Variants in RRM2 observed in about 807,000 individuals in gnomAD.
RRM2 encodes the protein ribonucleoside-diphosphate reductase subunit M2.
A neutral mutation model predicts 45.9 loss-of-function variants in RRM2; 6 were observed. The observed-to-expected ratio is 0.13, with a 90% CI of 0.07 to 0.26. The LOEUF is 0.26. RRM2 is among the 10% of genes least tolerant of loss of function. The pLI, the probability that RRM2 is intolerant of heterozygous loss-of-function variation, is 1.00. For synonymous variants in RRM2, 177 were observed against 173.0 expected (o/e 1.02, Z -0.18); for missense variants, 343 against 489.5 (o/e 0.70, Z 2.82).
rs186911562 is a variant in RRM2, at chr2:10,163,685, C to T, written n.482+21310C>T. Among the ~76,000 whole-genome samples, 447 of 152,350 alleles carry T rather than the reference C, an allele frequency of 2.9e-3. 3 individuals carry two copies. The highest frequency in any genetic ancestry group is 0.01 in the African/African-American group (423 of 41,576). ...GAAGTCTGCAGCCAGGCGCGAGCCTCGGTTCCCCGGCTGCCCAGTGGCCGC... is the reference window on the plus strand; with the variant it reads ...GAAGTCTGCAGCCAGGCGCGAGCCTTGGTTCCCCGGCTGCCCAGTGGCCGC... On this transcript the variant is annotated intron_variant and non_coding_transcript_variant, in intron 3 of 3. Coordinates refer to the RRM2 transcript ENST00000381786.
At chr2:10,123,652 TACTTAAA>T (rs1253062876) in intron 3 of RRM2, 77 bp from the exon 4 acceptor site, 1 of 1,419,694 alleles carries the variant, frequency 7.0e-7, no homozygotes, top group Non-Finnish European at 9.8e-7. Flanking sequence ...GGTGCCAGCA[TACTTAAA>T]GTTTGAGTGC....
intron 3 of RRM2, among the ~76,000 whole-genome samples, chr2:10,163,053 G>A (rs1265334576): frequency 6.6e-6 from 1 of 152,238 alleles, no homozygotes; most frequent in Non-Finnish European, 1.5e-5. Flanking sequence ...AGGTAATTAT[G>A]TGTGTGCTTT....
At chr2:10,124,096 C>T in intron 4 of RRM2, 2 of 445,816 alleles carry the variant, frequency 4.5e-6, no homozygotes, top group Middle Eastern at 5.4e-4. Flanking sequence ...GTGGCCACCA[C>T]ATCTGCCCCC....
chr2:10,179,948 C>T (rs1238142700), intron 3 of RRM2, among the ~76,000 whole-genome samples: 2 of 152,278 alleles, frequency 1.3e-5, no homozygotes, highest in Non-Finnish European at 2.9e-5. Flanking sequence ...CTGTCTAATC[C>T]AGCTCTAGAG....
chr2:10,148,295 C>T (rs1194111543), intron 3 of RRM2, among the ~76,000 whole-genome samples: 2 of 151,684 alleles, frequency 1.3e-5, no homozygotes, highest in East Asian at 3.9e-4. Context: ...CATTGCCCTA[C>T]AGGTAGATTC....
chr2:10,139,321 A>G (rs1425163365), upstream of RRM2, among the ~76,000 whole-genome samples: 1 of 152,238 alleles, frequency 6.6e-6, no homozygotes, highest in Non-Finnish European at 1.5e-5. Context: ...TGGCAAAGGC[A>G]CTGGCTCATA....
intron 3 of RRM2, among the ~76,000 whole-genome samples, chr2:10,166,148 A>G (rs915592064): frequency 4.6e-5 from 7 of 152,216 alleles, no homozygotes; most frequent in African/African-American, 7.2e-5. Context: ...TGCCTTTCCA[A>G]TAAAGCCTTG....
At chr2:10,141,869 G>T (rs767005253) in exon 2 of RRM2, 1 of 1,563,800 alleles carries the variant, frequency 6.4e-7, no homozygotes, top group South Asian at 1.2e-5. Context: ...GGGAGACCGT[G>T]AAGTGCAAAG....
intron 3 of RRM2, among the ~76,000 whole-genome samples, chr2:10,158,789 G>T (rs566800035): frequency 1.0e-3 from 156 of 152,258 alleles, no homozygotes; most frequent in Non-Finnish European, 1.7e-3. Flanking sequence ...AGGCCTGGCT[G>T]CCCCAGCTGG....
rs558946103 is a variant in RRM2, at chr2:10,130,927, T to C, written c.*1541T>C. 6.6e-6 allele frequency: 1 copy of C among 152,222 alleles called. No homozygotes were observed. Among genetic ancestry groups the C allele is most frequent in the South Asian group, 2.1e-4 (1 of 4,816 alleles). 9.4% of individuals were successfully genotyped at this position (152,222 alleles called of 1,614,324 possible). The stretch of plus-strand genomic sequence containing the variant: ...TTGCAGGCGTGATAAACAAATATTC[T>C]TAATAGGGCTACTTTGAATTAATCT... On this transcript the variant is annotated 3_prime_UTR_variant, in exon 10 of 10. Coordinates refer to ENST00000304567, the MANE Select transcript of RRM2 (RefSeq NM_001034.4).
Position 10,200,516 on chromosome 2 carries a change from C to T in RRM2, n.483-9795C>T, listed in dbSNP as rs1664535974. ...CCGCGCACACAAAATATGAGGCCCA[C>T]AGGGACTGCGCGCACAAATTATGAG... On this transcript the variant is annotated intron_variant and non_coding_transcript_variant, in intron 3 of 3. Transcript: ENST00000381786. 1.4e-4 allele frequency among the ~76,000 whole-genome samples: 2 copies of T among 14,720 alleles called. 1 individual carries two copies. Among genetic ancestry groups the T allele is most frequent in the Non-Finnish European group, 2.5e-4 (2 of 7,866 alleles). 9.7% of individuals were successfully genotyped at this position (14,720 alleles called of 152,430 possible).
chr2:10,190,686 ATGGTGATGG>A (rs1664283457), intron 3 of RRM2, among the ~76,000 whole-genome samples: 1 of 142,720 alleles, frequency 7.0e-6, no homozygotes, highest in Non-Finnish European at 1.5e-5. Context: ...GGTGGTGATG[ATGGTGATGG>A]CAGAGATGGT....
At chr2:10,182,759 C>T (rs1418361810) in intron 3 of RRM2, among the ~76,000 whole-genome samples, 3 of 152,228 alleles carry the variant, frequency 2.0e-5, no homozygotes, top group Non-Finnish European at 4.4e-5. Context: ...TCCTCTCCCT[C>T]CCAGGTCATC....
intron 3 of RRM2, among the ~76,000 whole-genome samples, chr2:10,208,515 G>T (rs912648515): frequency 8.5e-5 from 13 of 152,266 alleles, no homozygotes; most frequent in African/African-American, 2.9e-4. Context: ...TCTTGACAAG[G>T]ATCTCACCGA....
chr2:10,142,202 G>A lies in RRM2; in HGVS notation n.362-53G>A, dbSNP rs1467767923. On this transcript the variant is annotated intron_variant and non_coding_transcript_variant, in intron 2 of 3. Coordinates refer to the RRM2 transcript ENST00000381786. ...ATGGGGCTGGGTCAGTGGAGTGGGT[G>A]TGTACATGCAGGTCTGCAGACCCAG... is the stretch of plus-strand genomic sequence containing the variant. 7 of 1,563,452 alleles carry A rather than the reference G, an allele frequency of 4.5e-6. No homozygotes were observed. In the East Asian group the frequency reaches 1.7e-4, roughly 38 times the overall value.
At chr2:10,135,272 G>A (rs760615611), downstream of RRM2, among the ~76,000 whole-genome samples, 7 of 152,202 alleles carry the variant, frequency 4.6e-5, no homozygotes, top group Non-Finnish European at 1.0e-4. Flanking sequence ...CGAGGCTGAG[G>A]TGGGAGGATC....
chr2:10,157,023 T>TTTC, intron 3 of RRM2, among the ~76,000 whole-genome samples: 1 of 136,230 alleles, frequency 7.3e-6, no homozygotes, highest in African/African-American at 2.7e-5. Context: ...TTTCTTTTTT[T>TTTC]TTTTTTTTTT....
chr2:10,159,738 C>G (rs1663516509), intron 3 of RRM2, among the ~76,000 whole-genome samples: 1 of 152,194 alleles, frequency 6.6e-6, no homozygotes, highest in Admixed American at 6.5e-5. Flanking sequence ...GAGACTGGAG[C>G]TTTTCCCCAA....
chr2:10,164,515 A>G (rs1471583886), intron 3 of RRM2, among the ~76,000 whole-genome samples: 1 of 152,240 alleles, frequency 6.6e-6, no homozygotes, highest in Non-Finnish European at 1.5e-5. Flanking sequence ...TCAGGAGCAC[A>G]CAGGGCTCGG....
Sources: gnomAD v4.1 joint callset for allele counts (sites outside exome capture counted in the v4.1 genomes callset) on GRCh38, gnomAD v4.1.1 for gene constraint, MANE v1.5 for transcripts, NCBI Gene and HGNC (gene_info 2026-07-23, HGNC 2026-07-21) for gene names.